The following EPHA5 variants were observed in gnomAD, a reference collection of about 807,000 sequenced individuals.
EPHA5 encodes the protein EPH receptor A5, also known as ephrin type-A receptor 5.
In EPHA5, 60 loss-of-function variants were observed where a neutral mutation model predicts 105.0. That is an observed-to-expected ratio of 0.57 (90% CI 0.46 to 0.71). The LOEUF is 0.71. Among genes scored for constraint, EPHA5 ranks in the 30% least tolerant of loss-of-function variants. The pLI, the probability that EPHA5 is intolerant of heterozygous loss-of-function variation, is 0.00. For missense variants in EPHA5, 1,218 were observed against 1,274.7 expected (o/e 0.96, Z 0.68); for synonymous variants, 513 against 449.1 (o/e 1.14, Z -1.80).
At chr4:65,435,838 T>C (rs762050710) in intron 5 of EPHA5, among the ~76,000 whole-genome samples, 1 of 152,046 alleles carries the variant, frequency 6.6e-6, no homozygotes, top group Non-Finnish European at 1.5e-5. Context: ...AAAAAATCCA[T>C]CCACAATTGG....
intron 2 of EPHA5, among the ~76,000 whole-genome samples, chr4:65,635,990 T>G (rs1747090741): frequency 6.6e-6 from 1 of 152,186 alleles, no homozygotes; most frequent in Non-Finnish European, 1.5e-5. Flanking sequence ...CCAAGTAATT[T>G]GATCAGAAAA....
At chr4:65,395,547 G>A (rs1490737489) in intron 8 of EPHA5, among the ~76,000 whole-genome samples, 1 of 152,082 alleles carries the variant, frequency 6.6e-6, no homozygotes, top group Non-Finnish European at 1.5e-5. Flanking sequence ...TTTCTACATG[G>A]TCTGATGATC....
chr4:65,495,007 AAAGAAGAAAGAAG>A (rs1027926951), intron 4 of EPHA5, among the ~76,000 whole-genome samples: 2 of 2,148 alleles, frequency 9.3e-4, no homozygotes, highest in Non-Finnish European at 8.1e-3. Flanking sequence ...AAGGAAGAAG[AAAGAAGAAAGAAG>A]AAGAGGAAGA....
At chr4:65,425,426 C>CT (rs1157747414) in intron 5 of EPHA5, among the ~76,000 whole-genome samples, 3 of 152,104 alleles carry the variant, frequency 2.0e-5, no homozygotes, top group African/African-American at 7.2e-5. Context: ...GTCTAGGCCA[C>CT]TACAGTATTC....
intron 5 of EPHA5, among the ~76,000 whole-genome samples, chr4:65,430,815 G>A (rs1724899448): frequency 6.6e-6 from 1 of 152,020 alleles, no homozygotes; most frequent in African/African-American, 2.4e-5. Flanking sequence ...AGATTATTCA[G>A]ATTATCTAAT....
chr4:65,532,709 T>C (rs990027437), intron 3 of EPHA5, among the ~76,000 whole-genome samples: 1 of 151,606 alleles, frequency 6.6e-6, no homozygotes, highest in East Asian at 1.9e-4. Flanking sequence ...TTTAATCTCT[T>C]TTTTTATACT....
chr4:65,611,071 T>C (rs779483569), intron 2 of EPHA5, among the ~76,000 whole-genome samples: 4 of 152,126 alleles, frequency 2.6e-5, no homozygotes, highest in Non-Finnish European at 5.9e-5. Context: ...TATATATTAT[T>C]TAAGATGGAG....
intron 12 of EPHA5, among the ~76,000 whole-genome samples, chr4:65,352,651 A>C (rs1339918822): frequency 2.0e-5 from 3 of 151,972 alleles, no homozygotes; most frequent in Non-Finnish European, 4.4e-5. Context: ...TGGGCTATTT[A>C]CACGTTTTCT....
At chr4:65,652,519 A>G (rs1748696880) in intron 1 of EPHA5, among the ~76,000 whole-genome samples, 1 of 152,164 alleles carries the variant, frequency 6.6e-6, no homozygotes, top group Admixed American at 6.5e-5. Context: ...CCAAGGTCCC[A>G]GAGCTAATAA....
At chr4:65,541,442 G>A (rs1337307196) in intron 3 of EPHA5, among the ~76,000 whole-genome samples, 1 of 151,762 alleles carries the variant, frequency 6.6e-6, no homozygotes, top group African/African-American at 2.4e-5. Flanking sequence ...AAAAGCAGGG[G>A]CTGCAATCCT....
At chr4:65,392,754 T>TA (rs1720845417) in intron 8 of EPHA5, among the ~76,000 whole-genome samples, 1 of 152,144 alleles carries the variant, frequency 6.6e-6, no homozygotes, top group Non-Finnish European at 1.5e-5. Flanking sequence ...TTAGAGATAT[T>TA]AAAGTTTTTC....
At chr4:65,372,501 T>G (rs751448485) in intron 8 of EPHA5, among the ~76,000 whole-genome samples, 18 of 151,962 alleles carry the variant, frequency 1.2e-4, no homozygotes, top group Non-Finnish European at 2.4e-4. Flanking sequence ...TACCAGAATA[T>G]TTGCATTTTG....
At chr4:65,338,538 G>T (rs1721401898) in intron 14 of EPHA5, among the ~76,000 whole-genome samples, 1 of 151,558 alleles carries the variant, frequency 6.6e-6, no homozygotes, top group Non-Finnish European at 1.5e-5. Flanking sequence ...AACACCTTAA[G>T]AAGTTATTTG....
At chr4:65,365,785 T>C in intron 10 of EPHA5, 147 bp downstream of exon 10, 1 of 694,728 alleles carries the variant, frequency 1.4e-6, no homozygotes, top group East Asian at 2.9e-5. Flanking sequence ...CTGAAGGTTG[T>C]ATTAAAATGT....
chr4:65,555,677 A>G (rs1327490994), intron 3 of EPHA5, among the ~76,000 whole-genome samples: 1 of 150,730 alleles, frequency 6.6e-6, no homozygotes, highest in Non-Finnish European at 1.5e-5. Flanking sequence ...CAGGCTCTTA[A>G]GAGATCACTG....
At chr4:65,520,025 T>A (rs1388475147) in intron 3 of EPHA5, among the ~76,000 whole-genome samples, 2 of 152,106 alleles carry the variant, frequency 1.3e-5, no homozygotes, top group Non-Finnish European at 2.9e-5. Context: ...TGGAAAAAAC[T>A]ACTTTAAAGT....
chr4:65,338,537 A>T (rs959912541), intron 14 of EPHA5, among the ~76,000 whole-genome samples: 1 of 152,040 alleles, frequency 6.6e-6, no homozygotes, highest in Non-Finnish European at 1.5e-5. Context: ...AAACACCTTA[A>T]GAAGTTATTT....
Position 65,595,805 on chromosome 4 carries a change from C to A in EPHA5, c.910+5836G>T, listed in dbSNP as rs373954506. On this transcript the variant is annotated intron_variant, in intron 3 of 16. Coordinates refer to ENST00000613740, the MANE Select transcript of EPHA5 (RefSeq NM_001281766.3). Reference sequence around the variant, plus strand: ...CCATGTTAGCCAGGATGGTCTCGATCTCCTGACCTCGTGATCCACCTGCCT... The same window carrying A: ...CCATGTTAGCCAGGATGGTCTCGATATCCTGACCTCGTGATCCACCTGCCT... Among the ~76,000 whole-genome samples, 34 of 152,236 alleles carry A rather than the reference C, an allele frequency of 2.2e-4. No homozygotes were observed. In the South Asian group the frequency reaches 7.0e-3, roughly 32 times the overall value.
At chr4:65,447,899 A>C (rs2149100331) in intron 5 of EPHA5, among the ~76,000 whole-genome samples, 1 of 152,296 alleles carries the variant, frequency 6.6e-6, no homozygotes, top group Non-Finnish European at 1.5e-5. Flanking sequence ...CCCAGCATTT[A>C]TCTAACAAAA....
Sources: gnomAD v4.1 joint callset for allele counts (sites outside exome capture counted in the v4.1 genomes callset) on GRCh38, gnomAD v4.1.1 for gene constraint, MANE v1.5 for transcripts, NCBI Gene and HGNC (gene_info 2026-07-23, HGNC 2026-07-21) for gene names.